LSAMP: variants seen among roughly 807,000 people sequenced by gnomAD.
LSAMP encodes limbic system associated membrane protein, also known as limbic system-associated membrane protein.
A neutral mutation model predicts 38.6 loss-of-function variants in LSAMP; 7 were observed. The observed-to-expected ratio is 0.18, with a 90% CI of 0.10 to 0.34. The LOEUF (loss-of-function observed/expected upper bound fraction) is 0.34. Among genes scored for constraint, LSAMP ranks in the 10% least tolerant of loss-of-function variants. LSAMP has a pLI of 1.00. For synonymous variants in LSAMP, 154 were observed against 166.8 expected, an observed-to-expected ratio of 0.92 and a Z score of 0.59; for missense variants, 313 against 420.0, an observed-to-expected ratio of 0.75 and a Z score of 2.23.
At chr3:115,866,944 A>G (rs1559858439) in intron 3 of LSAMP, among the ~76,000 whole-genome samples, 1 of 152,076 alleles carries the variant, frequency 6.6e-6, no homozygotes, top group Admixed American at 6.6e-5. Context: ...GCAGGCAAGC[A>G]GAATGGGTAC....
At chr3:116,261,996 T>C (rs1472161250) in intron 1 of LSAMP, among the ~76,000 whole-genome samples, 1 of 151,882 alleles carries the variant, frequency 6.6e-6, no homozygotes, top group Non-Finnish European at 1.5e-5. Flanking sequence ...TTTATGTGGC[T>C]GATCTCTATA....
chr3:115,993,660 C>A (rs777902043), intron 3 of LSAMP, among the ~76,000 whole-genome samples: 1 of 151,904 alleles, frequency 6.6e-6, no homozygotes, highest in South Asian at 2.1e-4. Context: ...TATTTTAAAC[C>A]TTTTGCCCTC....
intron 1 of LSAMP, among the ~76,000 whole-genome samples, chr3:116,114,595 C>T (rs1708701747): frequency 6.6e-6 from 1 of 152,004 alleles, no homozygotes; most frequent in Non-Finnish European, 1.5e-5. Flanking sequence ...AAACCAGACA[C>T]TTAAGAAAGC....
chr3:116,352,011 T>G (rs1401705376), intron 1 of LSAMP, among the ~76,000 whole-genome samples: 2 of 152,084 alleles, frequency 1.3e-5, no homozygotes, highest in Non-Finnish European at 2.9e-5. Context: ...AGTTAACCCT[T>G]CAAATATTGT....
intron 3 of LSAMP, among the ~76,000 whole-genome samples, chr3:115,978,580 T>A (rs1420388986): frequency 6.6e-6 from 1 of 152,088 alleles, no homozygotes; most frequent in East Asian, 1.9e-4. Flanking sequence ...AGAAATGCAG[T>A]ATTATTAGCA....
At chr3:115,875,687 C>T (rs1936162457) in intron 3 of LSAMP, among the ~76,000 whole-genome samples, 1 of 152,002 alleles carries the variant, frequency 6.6e-6, no homozygotes, top group Non-Finnish European at 1.5e-5. Context: ...AAATTGTCCT[C>T]ATTGTTCTTA....
chr3:116,112,496 C>T (rs1253963233), intron 1 of LSAMP, among the ~76,000 whole-genome samples: 1 of 152,158 alleles, frequency 6.6e-6, no homozygotes, highest in Non-Finnish European at 1.5e-5. Flanking sequence ...GTATCACTCA[C>T]AATCTGAAAA....
intron 1 of LSAMP, among the ~76,000 whole-genome samples, chr3:116,188,936 A>G (rs1710689008): frequency 1.3e-5 from 2 of 152,224 alleles, no homozygotes; most frequent in Non-Finnish European, 1.5e-5. Flanking sequence ...TCTTCATCTC[A>G]TCAGTATTGA....
At position 115,802,710 on chromosome 3, in the gene LSAMP, AATATATTTATAT is replaced by A. The variant is rs1933542359; in HGVS notation, c.*7595_*7606del. ...TCATGTCTACAGGGCTGAAAAAAGG[AATATATTTATAT>A]ATATATTTATATGTATATAACACTG... On this transcript the variant is annotated 3_prime_UTR_variant, in exon 7 of 7. Transcript: ENST00000490035. The A allele has an allele frequency of 6.6e-6, 1 of 151,782 alleles. No homozygotes were observed. Among genetic ancestry groups the A allele is most frequent in the African/African-American group, 2.4e-5 (1 of 41,352 alleles). 9.4% of individuals were successfully genotyped at this position (151,782 alleles called of 1,614,324 possible). A position where few individuals can be genotyped will look rare whatever the true frequency, so the allele number is the denominator to read the frequency against.
intron 2 of LSAMP, among the ~76,000 whole-genome samples, chr3:116,038,772 G>T (rs994995695): frequency 2.0e-5 from 3 of 152,198 alleles, no homozygotes; most frequent in Non-Finnish European, 4.4e-5. Flanking sequence ...CAACAGAATA[G>T]AAATATTGCT....
intron 3 of LSAMP, among the ~76,000 whole-genome samples, chr3:115,881,443 G>T (rs1936320604): frequency 6.6e-6 from 1 of 152,236 alleles, no homozygotes; most frequent in Admixed American, 6.5e-5. Flanking sequence ...ATTCTGCATT[G>T]TTTTCAGCCT....
intron 6 of LSAMP, among the ~76,000 whole-genome samples, chr3:115,823,240 T>C (rs1256751841): frequency 6.6e-6 from 1 of 152,140 alleles, no homozygotes; most frequent in Non-Finnish European, 1.5e-5. Context: ...ATGAGGGAAA[T>C]CCCTTGTGAG....
intron 1 of LSAMP, among the ~76,000 whole-genome samples, chr3:116,123,052 C>CA (rs1055023671): frequency 1.3e-4 from 19 of 151,818 alleles, no homozygotes; most frequent in African/African-American, 7.3e-5. Flanking sequence ...CGAGAAAAGT[C>CA]AAAAAAATTA....
Position 116,005,652 on chromosome 3 carries a change from A to G in LSAMP, c.514+13863T>C, listed in dbSNP as rs573132523. Among the ~76,000 whole-genome samples, 353 of 152,306 alleles carry G rather than the reference A, an allele frequency of 2.3e-3. 2 individuals are homozygous for G. Among genetic ancestry groups the G allele is most frequent in the African/African-American group, 8.1e-3 (338 of 41,572 alleles). On this transcript the variant is annotated intron_variant, in intron 3 of 6. Coordinates refer to ENST00000490035, the MANE Select transcript of LSAMP (RefSeq NM_002338.5). ...AGAGTGCTTAATCGTTCCTGGGGGA[A>G]TTATCTCCTCTAGCAACAATCAGTA...
At chr3:115,811,807 C>G (rs967429641) in intron 6 of LSAMP, among the ~76,000 whole-genome samples, 3 of 152,196 alleles carry the variant, frequency 2.0e-5, no homozygotes, top group African/African-American at 7.2e-5. Context: ...TTTGTCACAA[C>G]TGCCTTATAA....
Position 115,876,952 on chromosome 3 carries a change from C to T in LSAMP, c.515-24335G>A, listed in dbSNP as rs556961889. Among the ~76,000 whole-genome samples the T allele has an allele frequency of 1.6e-3, 239 of 152,210 alleles. 1 individual carries two copies. The highest frequency in any genetic ancestry group is 5.5e-3 in the African/African-American group (227 of 41,526). ...TCCACACTCTCTCCCCTCCCTAACT[C>T]GCCCCTTCCATTTTGGAAGCTTTCC... On this transcript the variant is annotated intron_variant, in intron 3 of 6. Transcript: ENST00000490035.
intron 1 of LSAMP, among the ~76,000 whole-genome samples, chr3:116,383,154 G>C (rs1208148417): frequency 6.6e-6 from 1 of 152,040 alleles, no homozygotes; most frequent in Non-Finnish European, 1.5e-5. Flanking sequence ...TCTTCTGCAA[G>C]AAAAACTACT....
In LSAMP at chr3:115,993,291, A is replaced by G. The variant is rs1445401752; in HGVS notation, c.514+26224T>C. Among the ~76,000 whole-genome samples, 7 of 152,052 alleles carry G rather than the reference A, an allele frequency of 4.6e-5. No homozygotes were observed. In the East Asian group the frequency reaches 1.3e-3, roughly 29 times the overall value. ...CCACTGTAAAATCCTACACATCCTCATAACAGTCTTTAAAGTGTTAGAAAA... is the reference window on the plus strand; with the variant it reads ...CCACTGTAAAATCCTACACATCCTCGTAACAGTCTTTAAAGTGTTAGAAAA... On this transcript the variant is annotated intron_variant, in intron 3 of 6. Transcript: ENST00000490035.
intron 2 of LSAMP, among the ~76,000 whole-genome samples, chr3:116,059,624 G>A (rs1941555459): frequency 6.6e-6 from 1 of 152,292 alleles, no homozygotes; most frequent in Non-Finnish European, 1.5e-5. Context: ...TAGAGCTAGT[G>A]TATCCTAACA....
Sources: gnomAD v4.1 joint callset for allele counts (sites outside exome capture counted in the v4.1 genomes callset) on GRCh38, gnomAD v4.1.1 for gene constraint, MANE v1.5 for transcripts, NCBI Gene and HGNC (gene_info 2026-07-23, HGNC 2026-07-21) for gene names.